Variants in DCAKD observed in about 807,000 individuals in gnomAD.
DCAKD encodes dephospho-CoA kinase domain-containing protein.
In DCAKD, 15 loss-of-function variants were observed where a neutral mutation model predicts 18.7. The observed-to-expected ratio is 0.80, with a 90% confidence interval of 0.54 to 1.24. The LOEUF is 1.24. DCAKD is among the 50% of genes most tolerant of loss of function. The pLI, the probability that DCAKD is intolerant of heterozygous loss-of-function variation, is 0.00. For synonymous variants in DCAKD, 130 were observed against 133.0 expected (o/e 0.98, Z 0.16); for missense variants, 301 against 322.0 (o/e 0.93, Z 0.50).
At chr17:45,030,010 G>A in intron 4 of DCAKD, 82 bp downstream of exon 4, 1 of 1,348,744 alleles carries the variant, frequency 7.4e-7, no homozygotes, top group Admixed American at 1.7e-5. Context: ...CGTGGGGAAA[G>A]GGCAAAGTGC....
At chr17:45,037,455 G>C (rs1428210148) in intron 1 of DCAKD, among the ~76,000 whole-genome samples, 1 of 151,738 alleles carries the variant, frequency 6.6e-6, no homozygotes, top group East Asian at 1.9e-4. Context: ...AGAAAATCTA[G>C]AAAGAATTTT....
chr17:45,036,040 G>A (rs143309167), intron 1 of DCAKD, among the ~76,000 whole-genome samples: 1 of 152,202 alleles, frequency 6.6e-6, no homozygotes, highest in Non-Finnish European at 1.5e-5. Context: ...TGCTGGTGGT[G>A]TGACTTTGAG....
chr17:45,053,105 G>C (rs1325135946), upstream of DCAKD, among the ~76,000 whole-genome samples: 3 of 133,464 alleles, frequency 2.2e-5, no homozygotes, highest in Non-Finnish European at 3.1e-5. Flanking sequence ...GGAGGTTGCA[G>C]TGAGCCCAAG....
intron 3 of DCAKD, chr17:45,031,774 T>G: frequency 1.0e-6 from 1 of 985,434 alleles, no homozygotes; most frequent in Non-Finnish European, 1.2e-6. Flanking sequence ...TCTGATAAGC[T>G]CTGCAAACCA....
chr17:45,035,128 C>G, intron 1 of DCAKD, 129 bp from the exon 2 acceptor site: 3 of 482,824 alleles, frequency 6.2e-6, no homozygotes, highest in Non-Finnish European at 1.1e-5. Context: ...GCTCTGGGGC[C>G]ATCTGGAGAG....
At chr17:45,040,994 T>C (rs2053421038) in intron 1 of DCAKD, among the ~76,000 whole-genome samples, 1 of 152,176 alleles carries the variant, frequency 6.6e-6, no homozygotes, top group Non-Finnish European at 1.5e-5. Flanking sequence ...CCTACTGCTC[T>C]GGGAGGTCTG....
intron 3 of DCAKD, chr17:45,031,471 G>T (rs1048082218): frequency 1.0e-6 from 1 of 958,518 alleles, no homozygotes; most frequent in Non-Finnish European, 1.2e-6. Context: ...TGGTAAAGAT[G>T]AAATGAGCCT....
intron 1 of DCAKD, among the ~76,000 whole-genome samples, chr17:45,050,016 C>G (rs1431834365): frequency 6.9e-6 from 1 of 145,960 alleles, no homozygotes; most frequent in African/African-American, 2.6e-5. Flanking sequence ...AGCCACCGCG[C>G]TCGGCCTCCC....
At chr17:45,037,638 T>C (rs754123435) in intron 1 of DCAKD, among the ~76,000 whole-genome samples, 21 of 152,130 alleles carry the variant, frequency 1.4e-4, no homozygotes, top group Non-Finnish European at 1.9e-4. Flanking sequence ...TTTGTATTTT[T>C]AGTAGACATG....
At chr17:45,040,045 A>G (rs139056519) in intron 1 of DCAKD, among the ~76,000 whole-genome samples, 318 of 151,716 alleles carry the variant, frequency 2.1e-3, no homozygotes, top group Non-Finnish European at 3.7e-3. Flanking sequence ...GTGAGCAGAG[A>G]TCATGCCACT....
intron 3 of DCAKD, among the ~76,000 whole-genome samples, chr17:45,030,705 C>T (rs1019263409): frequency 5.9e-5 from 9 of 152,396 alleles, no homozygotes; most frequent in African/African-American, 2.2e-4. Flanking sequence ...GCCCTGCTGA[C>T]AAGAGCCAAG....
At chr17:45,040,387 CAAA>C (rs34624870) in intron 1 of DCAKD, among the ~76,000 whole-genome samples, 11 of 80,314 alleles carry the variant, frequency 1.4e-4, no homozygotes, top group Non-Finnish European at 1.7e-4. Flanking sequence ...GACTCCATCT[CAAA>C]AAAAAAAAAA....
At position 45,024,628 on chromosome 17, in the gene DCAKD, G is replaced by A; in HGVS notation, c.501C>T (p.Asp167=). ...GGACATGGCGGGCCATGCGGGCCTT[G>A]TCTGTCAGGGGCAGCTGGGCATTGA... The part of the protein sequence containing the change: ...ARINAQLPLT[D]KARMARHVLD... Residue 167 remains aspartate, a synonymous_variant, in exon 5 of 5, where the codon GAC becomes GAT. Transcript: ENST00000651974. 6.2e-7 allele frequency: 1 copy of A among 1,613,736 alleles called. No homozygotes were observed. The highest frequency in any genetic ancestry group is 8.5e-7 in the Non-Finnish European group (1 of 1,179,682).
At chr17:45,050,674 ACT>A (rs79729261) in intron 1 of DCAKD, among the ~76,000 whole-genome samples, 25,938 of 151,992 alleles carry the variant, frequency 0.17, 2,504 homozygotes, top group Admixed American at 0.23. Flanking sequence ...TAAAATGAGC[ACT>A]CTCCCTCCTG....
upstream of DCAKD, chr17:45,051,650 C>G (rs922110352): frequency 2.9e-4 from 43 of 146,196 alleles, no homozygotes; most frequent in African/African-American, 1.0e-3. Flanking sequence ...CGGGAGCGCG[C>G]GCCTGCAGAC....
intron 1 of DCAKD, among the ~76,000 whole-genome samples, chr17:45,040,875 C>T (rs1366149902): frequency 6.6e-6 from 1 of 152,156 alleles, no homozygotes; most frequent in Non-Finnish European, 1.5e-5. Context: ...GTTTTTACTT[C>T]TTGGGCCCAG....
chr17:45,060,234 T>C (rs984409899), intron 1 of DCAKD, among the ~76,000 whole-genome samples: 4 of 151,568 alleles, frequency 2.6e-5, no homozygotes, highest in African/African-American at 9.7e-5. Context: ...AAAGAAAGAG[T>C]TGATGTGGGC....
intron 3 of DCAKD, chr17:45,031,971 C>A: frequency 1.0e-6 from 1 of 985,370 alleles, no homozygotes; most frequent in Non-Finnish European, 1.2e-6. Flanking sequence ...AAAGGGCTCT[C>A]TGGCTTTTAT....
chr17:45,052,137 G>C (rs1647401736), upstream of DCAKD, among the ~76,000 whole-genome samples: 1 of 151,712 alleles, frequency 6.6e-6, no homozygotes, highest in Admixed American at 6.6e-5. Flanking sequence ...GGGAGAGCTC[G>C]GCCCCGGAGC....
Sources: allele counts gnomAD v4.1 joint callset (sites outside exome capture counted in the v4.1 genomes callset), GRCh38; gene constraint gnomAD v4.1.1; transcripts MANE v1.5; gene names NCBI Gene and HGNC (gene_info 2026-07-23, HGNC 2026-07-21).